ZC3H14: variants seen among roughly 807,000 people sequenced by gnomAD.
ZC3H14 encodes the protein zinc finger CCCH domain-containing protein 14.
A neutral mutation model predicts 92.4 loss-of-function variants in ZC3H14; 31 were observed. The observed-to-expected ratio is 0.34, with a 90% CI of 0.25 to 0.45. ZC3H14 has a LOEUF of 0.45. ZC3H14 is among the 20% of genes least tolerant of loss of function. The pLI is 1.00. For missense variants in ZC3H14, 781 were observed against 897.3 expected, an observed-to-expected ratio of 0.87 and a Z score of 1.66; for synonymous variants, 321 against 300.9, an observed-to-expected ratio of 1.07 and a Z score of -0.69.
rs754795781 is a variant in ZC3H14, at chr14:88,618,638, T to C, written c.*6887T>C. The C allele has an allele frequency of 6.2e-6, 10 of 1,610,366 alleles. No individual in the cohort carries two copies. Among genetic ancestry groups the C allele is most frequent in the South Asian group, 1.1e-5 (1 of 90,238 alleles). On this transcript the variant is annotated 3_prime_UTR_variant, in exon 17 of 17. Coordinates refer to ENST00000251038, the MANE Select transcript of ZC3H14 (RefSeq NM_024824.5). ...GAACTTGCCACCTGGGTATACAGTA[T>C]TGGTACTGTACCTGGAGATAACTGC...
rs75331461 is a variant in ZC3H14 at position 88,626,354 on chromosome 14, G to T, written c.*14603G>T. On this transcript the variant is annotated 3_prime_UTR_variant, in exon 17 of 17. Coordinates refer to ENST00000251038, the MANE Select transcript of ZC3H14 (RefSeq NM_024824.5). ...GTTCATCAGAATCCTTATTATGGTGGCTCATGCCTGTAAACCCAGCACTTT... is the reference window on the plus strand; with the variant it reads ...GTTCATCAGAATCCTTATTATGGTGTCTCATGCCTGTAAACCCAGCACTTT... 4.3e-3 allele frequency: 679 copies of T among 156,560 alleles called. 16 individuals carry two copies. In the East Asian group the frequency reaches 0.053, roughly 12 times the overall value. 9.7% of individuals were successfully genotyped at this position (156,560 alleles called of 1,614,324 possible). A position where few individuals can be genotyped will look rare whatever the true frequency, so the allele number is the denominator to read the frequency against.
intron 9 of ZC3H14, among the ~76,000 whole-genome samples, chr14:88,588,045 C>G (rs971295142): frequency 2.0e-5 from 3 of 152,064 alleles, no homozygotes; most frequent in African/African-American, 7.2e-5. Flanking sequence ...ATTTTTCCCC[C>G]TTTTTTGTTT....
At position 88,572,895 on chromosome 14, in the gene ZC3H14, A is replaced by G; in HGVS notation, c.749A>G (p.Gln250Arg). ...CATGCTGCCAAGCAGCTTGATATGC[A>G]GAGTAGTTGGGTATATGAAACAGGA... ...SIHAAKQLDMQSSWVYETGRL... is the reference protein window; with the variant it reads ...SIHAAKQLDMRSSWVYETGRL... Residue 250 changes from glutamine (Q) to arginine (R), a missense_variant, in exon 6 of 17, where the codon CAG (glutamine) becomes CGG (arginine). Coordinates refer to ENST00000251038, the MANE Select transcript of ZC3H14 (RefSeq NM_024824.5). 1.2e-6 allele frequency: 2 copies of G among 1,614,236 alleles called. No homozygotes were observed. Among genetic ancestry groups the G allele is most frequent in the East Asian group, 2.2e-5 (1 of 44,882 alleles).
intron 2 of ZC3H14, among the ~76,000 whole-genome samples, chr14:88,565,605 G>C (rs1312324098): frequency 6.6e-6 from 1 of 152,064 alleles, no homozygotes; most frequent in Non-Finnish European, 1.5e-5. Context: ...CTCTGGGGTG[G>C]GTCAGTGGAT....
Position 88,596,804 on chromosome 14 carries a change from T to G in ZC3H14, c.1350T>G (p.Ser450Arg), listed in dbSNP as rs1471104896. 14 of 1,613,750 alleles carry G rather than the reference T, an allele frequency of 8.7e-6. No individual in the cohort carries two copies. Among genetic ancestry groups the G allele is most frequent in the Non-Finnish European group, 1.2e-5 (14 of 1,179,838 alleles). ...TAATGGCAGAAACTCTGCAGATGAGTCAAGGTTGGTAATGTTTCAAGTTGT... is the reference window on the plus strand; with the variant it reads ...TAATGGCAGAAACTCTGCAGATGAGGCAAGGTTGGTAATGTTTCAAGTTGT... ...DPVMAETLQMSQDYYDMESMV... is the reference protein window; with the variant it reads ...DPVMAETLQMRQDYYDMESMV... The change falls in exon 10 of 17, where the codon AGT (serine) becomes AGG (arginine). Residue 450 changes from serine to arginine, a missense_variant. By Grantham distance (110) the Ser-to-Arg change is moderately radical. Transcript: ENST00000251038.
chr14:88,563,048 T>G lies in ZC3H14; in HGVS notation c.-86T>G. On this transcript the variant is annotated 5_prime_UTR_variant, in exon 1 of 17. Transcript: ENST00000251038. ...GGCGGAACGGAGGAGGAGGCGGTGGTGTCCCGGCTGCGGGGTAGGAGTCCG... is the reference window on the plus strand; with the variant it reads ...GGCGGAACGGAGGAGGAGGCGGTGGGGTCCCGGCTGCGGGGTAGGAGTCCG... The G allele has an allele frequency of 6.6e-7, 1 of 1,519,728 alleles. No individual in the cohort carries two copies. The highest frequency in any genetic ancestry group is 8.8e-7 in the Non-Finnish European group (1 of 1,134,952). The allele number at this position is 1,519,728 out of a possible 1,614,324, so 94.1% of individuals were successfully genotyped here.
chr14:88,626,520 A>G lies in ZC3H14; in HGVS notation c.*14769A>G, dbSNP rs1424027496. The G allele has an allele frequency of 4.8e-5, 13 of 273,028 alleles. No individual in the cohort carries two copies. The East Asian group carries it at 1.0e-3, about 22-fold the overall frequency. The allele number at this position is 273,028 out of a possible 1,614,324, so 16.9% of individuals were successfully genotyped here. A position where few individuals can be genotyped will look rare whatever the true frequency, so the allele number is the denominator to read the frequency against. On this transcript the variant is annotated 3_prime_UTR_variant, in exon 17 of 17. Coordinates refer to ENST00000251038, the MANE Select transcript of ZC3H14 (RefSeq NM_024824.5). Reference sequence around the variant, plus strand: ...TGCCCTGTAGTCCCAGCTACTAAGGAGGCTGAGGATCACTTGAACCTGGGA... The same window carrying G: ...TGCCCTGTAGTCCCAGCTACTAAGGGGGCTGAGGATCACTTGAACCTGGGA...
intron 3 of ZC3H14, among the ~76,000 whole-genome samples, chr14:88,569,493 T>C (rs1166778884): frequency 6.6e-6 from 1 of 152,176 alleles, no homozygotes; most frequent in African/African-American, 2.4e-5. Flanking sequence ...AAGAGTAAGA[T>C]TCAACTTAAG....
At chr14:88,594,875 T>C (rs1247593168) in intron 9 of ZC3H14, 2 of 1,614,026 alleles carry the variant, frequency 1.2e-6, no homozygotes, top group Admixed American at 1.7e-5. Flanking sequence ...TCAGCTGATA[T>C]CAATGAAATT....
Position 88,618,150 on chromosome 14 carries a change from G to C in ZC3H14, c.*6399G>C. The C allele has an allele frequency of 8.3e-7, 1 of 1,206,032 alleles. No individual in the cohort carries two copies. Among genetic ancestry groups the C allele is most frequent in the South Asian group, 1.3e-5 (1 of 78,076 alleles). The allele number at this position is 1,206,032 out of a possible 1,614,324, so 74.7% of individuals were successfully genotyped here. A position where few individuals can be genotyped will look rare whatever the true frequency, so the allele number is the denominator to read the frequency against. On this transcript the variant is annotated 3_prime_UTR_variant, in exon 17 of 17. Transcript: ENST00000251038. Reference sequence around the variant, plus strand: ...TCAATTACTATTCCTTATTGGAATGGCTCTAACAGTTCAGAAATAGGATTT... The same window carrying C: ...TCAATTACTATTCCTTATTGGAATGCCTCTAACAGTTCAGAAATAGGATTT...
chr14:88,584,945 T>C (rs2082301758), intron 9 of ZC3H14, among the ~76,000 whole-genome samples: 1 of 151,206 alleles, frequency 6.6e-6, no homozygotes, highest in African/African-American at 2.4e-5. Flanking sequence ...ATAAGAACCA[T>C]GGTTAAAAAA....
chr14:88,575,981 C>T (rs1262670524), intron 8 of ZC3H14, 41 bp downstream of exon 8: 5 of 1,503,788 alleles, frequency 3.3e-6, no homozygotes, highest in Admixed American at 1.7e-5. Context: ...TAAGACATTT[C>T]TGTAATTCTT....
Position 88,564,607 on chromosome 14 carries a change from T to C in ZC3H14, c.79+914T>C, listed in dbSNP as rs2079326687. Among the ~76,000 whole-genome samples, 3 of 152,250 alleles carry C rather than the reference T, an allele frequency of 2.0e-5. No homozygotes were observed. In the South Asian group the frequency reaches 6.2e-4, roughly 32 times the overall value. On this transcript the variant is annotated intron_variant, in intron 2 of 16. Transcript: ENST00000251038. ...TATTTGTTATTTTTCACTGTGGTGGTGGTGTTTGGATTGTGTAAAACTAAT... is the reference window on the plus strand; with the variant it reads ...TATTTGTTATTTTTCACTGTGGTGGCGGTGTTTGGATTGTGTAAAACTAAT...
intron 12 of ZC3H14, among the ~76,000 whole-genome samples, chr14:88,604,421 G>T (rs1462147576): frequency 6.6e-6 from 1 of 151,982 alleles, no homozygotes; most frequent in Non-Finnish European, 1.5e-5. Flanking sequence ...CAGTTCTCAG[G>T]AGTCTCTAGT....
intron 3 of ZC3H14, among the ~76,000 whole-genome samples, chr14:88,570,553 G>T (rs1428759046): frequency 1.3e-5 from 2 of 152,072 alleles, no homozygotes; most frequent in Non-Finnish European, 1.5e-5. Flanking sequence ...TTAAATGGTG[G>T]TAATAATAAG....
chr14:88,587,636 C>T (rs2082617900), intron 9 of ZC3H14, among the ~76,000 whole-genome samples: 1 of 152,136 alleles, frequency 6.6e-6, no homozygotes, highest in African/African-American at 2.4e-5. Flanking sequence ...AAACAGTAAG[C>T]ATTTACACTG....
rs1294027427 is a variant in ZC3H14 at position 88,623,936 on chromosome 14, G to C, written c.*12185G>C. On this transcript the variant is annotated 3_prime_UTR_variant, in exon 17 of 17. Coordinates refer to ENST00000251038, the MANE Select transcript of ZC3H14 (RefSeq NM_024824.5). The stretch of plus-strand genomic sequence containing the variant: ...TCCTTTTCTGCTAGATGAATTGCTT[G>C]TCTGAAAGCATGCCTATGTGCATTC... 1 of 152,204 alleles carries C rather than the reference G, an allele frequency of 6.6e-6. No individual in the cohort carries two copies. Among genetic ancestry groups the C allele is most frequent in the East Asian group, 1.9e-4 (1 of 5,202 alleles). The allele number at this position is 152,204 out of a possible 1,614,324, so 9.4% of individuals were successfully genotyped here. A position where few individuals can be genotyped will look rare whatever the true frequency, so the allele number is the denominator to read the frequency against.
chr14:88,571,055 T>C, intron 3 of ZC3H14, 29 bp from the exon 4 acceptor site: 1 of 1,522,848 alleles, frequency 6.6e-7, no homozygotes, highest in Non-Finnish European at 8.8e-7. Context: ...AACAGAAGGT[T>C]TATTTTTGTT....
chr14:88,601,539 A>G (rs891387835), intron 10 of ZC3H14, among the ~76,000 whole-genome samples: 2 of 152,222 alleles, frequency 1.3e-5, no homozygotes, highest in African/African-American at 4.8e-5. Context: ...CAGATTTTGG[A>G]AAAGTGGTTC....
Sources: gnomAD v4.1 joint callset for allele counts (sites outside exome capture counted in the v4.1 genomes callset) on GRCh38, gnomAD v4.1.1 for gene constraint, MANE v1.5 for transcripts, NCBI Gene and HGNC (gene_info 2026-07-23, HGNC 2026-07-21) for gene names.